The following TJP1 variants were observed in gnomAD, a reference collection of about 807,000 sequenced individuals.
The protein encoded by TJP1 is tight junction protein 1, also known as tight junction protein ZO-1.
TJP1 carries 43 observed loss-of-function variants against 194.2 expected under a neutral mutation model. The observed-to-expected ratio is 0.22, with a 90% CI of 0.17 to 0.29. TJP1 has a LOEUF of 0.29. Among genes scored for constraint, TJP1 ranks in the 10% least tolerant of loss-of-function variants. The probability of loss-of-function intolerance (pLI) is 1.00; values close to 1 mark genes in which losing one functional copy is unlikely to be tolerated. For missense variants in TJP1, 1,971 were observed against 2,185.7 expected, an observed-to-expected ratio of 0.90 and a Z score of 1.96; for synonymous variants, 801 against 779.0, an observed-to-expected ratio of 1.03 and a Z score of -0.47.
At chr15:29,761,820 GTTAAC>G in intron 6 of TJP1, 51 bp from the exon 7 acceptor site, 1 of 1,422,268 alleles carries the variant, frequency 7.0e-7, no homozygotes, top group Non-Finnish European at 9.4e-7. Flanking sequence ...AAATACAAAT[GTTAAC>G]TTAGTTTGTT....
chr15:29,965,023 C>T lies in TJP1; in HGVS notation c.173+3644G>A, dbSNP rs908738652. On this transcript the variant is annotated intron_variant, in intron 1 of 28. Coordinates refer to the TJP1 transcript ENST00000356107. ...AAGAAAAACTGACAGGCACAAATGC[C>T]CAAGCGAGATGGAAGTGTGGGAATA... Among the ~76,000 whole-genome samples the T allele has an allele frequency of 3.3e-5, 5 of 152,048 alleles. No individual in the cohort carries two copies. The South Asian group carries it at 8.3e-4, about 25-fold the overall frequency.
At chr15:29,839,615 T>C (rs2051153140) in intron 2 of TJP1, among the ~76,000 whole-genome samples, 1 of 152,142 alleles carries the variant, frequency 6.6e-6, no homozygotes, top group South Asian at 2.1e-4. Context: ...TACTCCATCT[T>C]TGGTGACAGA....
chr15:29,949,838 TCCACAA>T (rs1316744067), intron 2 of TJP1, among the ~76,000 whole-genome samples: 1 of 19,376 alleles, frequency 5.2e-5, no homozygotes, highest in Non-Finnish European at 8.5e-5. Context: ...CACCACCACC[TCCACAA>T]CCACCACCTC....
At chr15:29,936,764 A>G (rs1428090676) in intron 2 of TJP1, among the ~76,000 whole-genome samples, 1 of 152,158 alleles carries the variant, frequency 6.6e-6, no homozygotes, top group Non-Finnish European at 1.5e-5. Flanking sequence ...ACCACTAACT[A>G]GTGGAATGAA....
chr15:29,722,228 A>C lies in TJP1; in HGVS notation c.2413-1520T>G, dbSNP rs549213171. Among the ~76,000 whole-genome samples the C allele has an allele frequency of 6.6e-5, 10 of 152,346 alleles. No individual in the cohort carries two copies. In the East Asian group the frequency reaches 1.7e-3, roughly 27 times the overall value. ...TGTCTCCAGGGCATTTTGGAGGCCT[A>C]TGCGGCAGCCCCTCCCATCACAAGC... On this transcript the variant is annotated intron_variant, in intron 18 of 27. Coordinates refer to ENST00000614355, the MANE Select transcript of TJP1 (RefSeq NM_001330239.4).
chr15:29,713,740 T>C (rs954824606), intron 23 of TJP1, among the ~76,000 whole-genome samples: 12 of 152,334 alleles, frequency 7.9e-5, no homozygotes, highest in African/African-American at 2.4e-4. Flanking sequence ...TTAGTTATCT[T>C]CCATGACCCT....
chr15:29,964,731 C>A (rs191849329), intron 1 of TJP1, among the ~76,000 whole-genome samples: 12 of 152,326 alleles, frequency 7.9e-5, no homozygotes, highest in Non-Finnish European at 1.8e-4. Context: ...CCAAAGGAAG[C>A]CAGCAGGCTC....
In TJP1 at chr15:29,700,222, T is replaced by A; in HGVS notation, c.*1373A>T. Reference sequence around the variant, plus strand: ...TTTAATAACGGCAAAAGAAATTCAGTCACACCTAATGATTAACAGAATGTA... The same window carrying A: ...TTTAATAACGGCAAAAGAAATTCAGACACACCTAATGATTAACAGAATGTA... On this transcript the variant is annotated 3_prime_UTR_variant, in exon 28 of 28. Transcript: ENST00000614355. The A allele has an allele frequency of 2.5e-6, 1 of 398,972 alleles. No homozygotes were observed. The highest frequency in any genetic ancestry group is 4.4e-6 in the Non-Finnish European group (1 of 226,036). 24.7% of individuals were successfully genotyped at this position (398,972 alleles called of 1,614,324 possible). A position where few individuals can be genotyped will look rare whatever the true frequency, so the allele number is the denominator to read the frequency against.
chr15:29,895,540 T>C (rs1261885029), intron 2 of TJP1, among the ~76,000 whole-genome samples: 2 of 152,196 alleles, frequency 1.3e-5, no homozygotes, highest in Admixed American at 1.3e-4. Flanking sequence ...TTACAGTCCA[T>C]ATTTCTGACA....
Position 29,958,554 on chromosome 15 carries a change from A to G in TJP1, c.174-2190T>C, listed in dbSNP as rs576811058. On this transcript the variant is annotated intron_variant, in intron 1 of 28. Coordinates refer to the TJP1 transcript ENST00000356107. ...CTAAGACCTTTTTCCCTTTCCATTCAGTAGTTTGAAAGTTATACATCTTAT... is the reference window on the plus strand; with the variant it reads ...CTAAGACCTTTTTCCCTTTCCATTCGGTAGTTTGAAAGTTATACATCTTAT... 5.3e-5 allele frequency among the ~76,000 whole-genome samples: 8 copies of G among 152,280 alleles called. No individual in the cohort carries two copies. In the South Asian group the frequency reaches 1.5e-3, roughly 28 times the overall value.
At chr15:29,764,800 G>A (rs1207673885) in intron 5 of TJP1, among the ~76,000 whole-genome samples, 1 of 152,148 alleles carries the variant, frequency 6.6e-6, no homozygotes, top group African/African-American at 2.4e-5. Flanking sequence ...GGGACCTACA[G>A]GAACATCTAA....
At chr15:29,864,973 TTTC>T (rs758231942) in intron 2 of TJP1, among the ~76,000 whole-genome samples, 1 of 152,162 alleles carries the variant, frequency 6.6e-6, no homozygotes, top group South Asian at 2.1e-4. Flanking sequence ...GCAGCTAAAT[TTTC>T]TTCTTCTGTG....
chr15:29,922,060 C>A (rs1719345), intron 2 of TJP1, among the ~76,000 whole-genome samples: 28,752 of 151,940 alleles, frequency 0.19, 2,827 homozygotes, highest in East Asian at 0.35. Context: ...TTGATCAGGC[C>A]GGTCTCAAAC....
rs575455872 is a variant in TJP1, at chr15:29,740,460, G to GT, written c.1256+870dup. Among the ~76,000 whole-genome samples the GT allele has an allele frequency of 2.5e-3, 376 of 151,838 alleles. 1 individual carries two copies. The highest frequency in any genetic ancestry group is 3.1e-3 in the Non-Finnish European group (212 of 67,954). On this transcript the variant is annotated intron_variant, in intron 10 of 27. Transcript: ENST00000614355. ...GGGCAATGCGGCGAAACAAAACCCC[G>GT]TCTCTACTAAAAATACAAAAATTAG...
At chr15:29,956,238 C>T (rs1038352072) in exon 2 of TJP1, 1 of 1,286,774 alleles carries the variant, frequency 7.8e-7, no homozygotes, top group Non-Finnish European at 1.0e-6. Context: ...TTACAGTGAG[C>T]TCACAGAAAT....
intron 2 of TJP1, among the ~76,000 whole-genome samples, chr15:29,798,286 CTTTT>C (rs2048549839): frequency 1.0e-5 from 1 of 98,212 alleles, no homozygotes; most frequent in East Asian, 3.0e-4. Context: ...TTTTTTTTTT[CTTTT>C]CTTTCTAAAT....
intron 2 of TJP1, among the ~76,000 whole-genome samples, chr15:29,786,923 C>T (rs1423103261): frequency 6.6e-6 from 1 of 152,140 alleles, no homozygotes; most frequent in Non-Finnish European, 1.5e-5. Flanking sequence ...TGAGACTTAC[C>T]TTACTTCACA....
At chr15:29,747,533 A>T (rs1429003579) in intron 8 of TJP1, among the ~76,000 whole-genome samples, 2 of 152,184 alleles carry the variant, frequency 1.3e-5, no homozygotes, top group African/African-American at 4.8e-5. Flanking sequence ...AAGTGAAAAA[A>T]TAAGTTAAAA....
chr15:29,718,105 G>C lies in TJP1; in HGVS notation c.3890C>G (p.Ala1297Gly), dbSNP rs2042680078. 6.3e-7 allele frequency: 1 copy of C among 1,596,510 alleles called. No homozygotes were observed. The change falls in exon 22 of 28, where the codon GCA (alanine) becomes GGA (glycine). Residue 1297 changes from alanine to glycine, a missense_variant. Physicochemically the swap from Ala to Gly is moderately conservative, Grantham distance 60. This residue lies in a region of TJP1 where 1,108 missense variants were observed against 1,128.5 expected (regional missense o/e 0.98). Transcript: ENST00000614355. ...GATGGGAGCACCTGAAGGTTTAGAT[G>C]CTACTTCTGGAGGCTGTTTAAAAAA... Reference protein sequence around the residue: ...DTGSFKPPEVASKPSGAPIIG... With the variant: ...DTGSFKPPEVGSKPSGAPIIG...
Sources: gnomAD v4.1 joint callset for allele counts (sites outside exome capture counted in the v4.1 genomes callset) on GRCh38, gnomAD v4.1.1 for gene constraint, gnomAD v4.1.1 regional missense constraint, MANE v1.5 for transcripts, NCBI Gene and HGNC (gene_info 2026-07-23, HGNC 2026-07-21) for gene names.